The following RORB variants were observed in gnomAD, a reference collection of about 807,000 sequenced individuals.
RORB encodes nuclear receptor ROR-beta.
In RORB, 6 loss-of-function variants were observed where a neutral mutation model predicts 59.1. The ratio of observed to expected loss-of-function variants is 0.10; its 90% CI spans 0.06 to 0.20. The LOEUF is 0.20. Ranked by LOEUF, RORB falls within the 10% of genes least tolerant of loss-of-function variation. The pLI is 1.00. For synonymous variants in RORB, 215 were observed against 204.5 expected (o/e 1.05, Z -0.44); for missense variants, 320 against 560.5 (o/e 0.57, Z 4.33).
chr9:74,681,162 C>T (rs1156486910), intron 9 of RORB, among the ~76,000 whole-genome samples: 1 of 152,228 alleles, frequency 6.6e-6, no homozygotes, highest in Non-Finnish European at 1.5e-5. Context: ...CCCCCTCCAT[C>T]TCCAAGTGCT....
chr9:74,538,545 A>G (rs1352132582), intron 1 of RORB, among the ~76,000 whole-genome samples: 1 of 152,120 alleles, frequency 6.6e-6, no homozygotes, highest in Non-Finnish European at 1.5e-5. Context: ...CTTCAGCAAT[A>G]CTATTATAAA....
At chr9:74,630,793 T>C (rs1414695902) in intron 2 of RORB, among the ~76,000 whole-genome samples, 2 of 148,918 alleles carry the variant, frequency 1.3e-5, no homozygotes, top group Non-Finnish European at 3.0e-5. Flanking sequence ...AGCTACAATA[T>C]GCATATGGCC....
intron 1 of RORB, among the ~76,000 whole-genome samples, chr9:74,505,948 T>C (rs1285761461): frequency 6.6e-6 from 1 of 151,356 alleles, no homozygotes; most frequent in African/African-American, 2.4e-5. Context: ...CGAGTATCAG[T>C]GTAAGGAAGA....
intron 4 of RORB, among the ~76,000 whole-genome samples, chr9:74,656,476 C>T (rs1824083227): frequency 6.6e-6 from 1 of 152,206 alleles, no homozygotes; most frequent in African/African-American, 2.4e-5. Flanking sequence ...TGGCTCACGC[C>T]TGTAATCCCA....
At chr9:74,522,041 T>A (rs913477952) in intron 1 of RORB, among the ~76,000 whole-genome samples, 2 of 151,802 alleles carry the variant, frequency 1.3e-5, no homozygotes, top group African/African-American at 2.4e-5. Context: ...CACTGATACA[T>A]TCAATGAAAA....
intron 1 of RORB, among the ~76,000 whole-genome samples, chr9:74,536,703 T>A (rs1826327704): frequency 6.6e-6 from 1 of 151,974 alleles, no homozygotes; most frequent in South Asian, 2.1e-4. Flanking sequence ...ATTTGTTAAA[T>A]TGTTTCCATA....
intron 1 of RORB, among the ~76,000 whole-genome samples, chr9:74,589,728 G>A (rs921041919): frequency 1.3e-5 from 2 of 152,030 alleles, no homozygotes; most frequent in Non-Finnish European, 2.9e-5. Context: ...TGAACCCCAC[G>A]CTCGCCTCCC....
At chr9:74,498,030 C>G in intron 1 of RORB, 47 bp downstream of exon 1, 2 of 1,600,650 alleles carry the variant, frequency 1.2e-6, no homozygotes, top group Non-Finnish European at 1.7e-6. Flanking sequence ...CGGCCAACTC[C>G]AGCCAGACGG....
At chr9:74,614,390 A>T (rs192772498) in intron 1 of RORB, among the ~76,000 whole-genome samples, 220 of 148,976 alleles carry the variant, frequency 1.5e-3, no homozygotes, top group East Asian at 6.8e-3. Flanking sequence ...TCTTTTTTTT[A>T]AAAAAAAGCC....
chr9:74,672,910 A>G (rs1160786848), intron 9 of RORB, among the ~76,000 whole-genome samples: 1 of 152,126 alleles, frequency 6.6e-6, no homozygotes, highest in Non-Finnish European at 1.5e-5. Flanking sequence ...CTTTGTTTTA[A>G]AAAGGGGGAT....
intron 1 of RORB, among the ~76,000 whole-genome samples, chr9:74,554,576 TA>T (rs5898358): frequency 0.59 from 87,218 of 149,074 alleles, 26,027 homozygotes; most frequent in African/African-American, 0.72. Context: ...TTGAATAACT[TA>T]AAAAAAAAAA....
At chr9:74,627,160 CAA>C (rs5898367) in intron 1 of RORB, among the ~76,000 whole-genome samples, 5 of 132,776 alleles carry the variant, frequency 3.8e-5, no homozygotes, top group Non-Finnish European at 4.7e-5. Flanking sequence ...GACTCCATCT[CAA>C]AAAAAAAAAA....
intron 1 of RORB, among the ~76,000 whole-genome samples, chr9:74,573,798 A>G (rs1043830704): frequency 6.6e-6 from 1 of 152,094 alleles, no homozygotes; most frequent in Non-Finnish European, 1.5e-5. Context: ...TAGGGAAGGG[A>G]GACGGAATTT....
chr9:74,565,071 C>G (rs138701030), intron 1 of RORB, among the ~76,000 whole-genome samples: 1 of 152,170 alleles, frequency 6.6e-6, no homozygotes, highest in Non-Finnish European at 1.5e-5. Context: ...AGAAAACAAG[C>G]ATCTCTTTAA....
At chr9:74,499,214 CATCCCAGACCCGGAG>C (rs1825769296) in intron 1 of RORB, 1 of 152,476 alleles carries the variant, frequency 6.6e-6, no homozygotes, top group South Asian at 2.1e-4. Flanking sequence ...GACCTTCTTG[CATCCCAGACCCGGAG>C]AGAGGTGGTC....
chr9:74,619,774 C>T (rs1362621026), intron 1 of RORB, among the ~76,000 whole-genome samples: 1 of 151,708 alleles, frequency 6.6e-6, no homozygotes, highest in African/African-American at 2.4e-5. Flanking sequence ...TTGTCGAAGA[C>T]CTTTTCTGCA....
At chr9:74,503,961 A>AAT (rs1825836022) in intron 1 of RORB, among the ~76,000 whole-genome samples, 1 of 152,074 alleles carries the variant, frequency 6.6e-6, no homozygotes, top group South Asian at 2.1e-4. Context: ...AGCTACATAT[A>AAT]ATAACCATGT....
chr9:74,649,422 T>A (rs904848810), intron 4 of RORB, among the ~76,000 whole-genome samples: 2 of 152,170 alleles, frequency 1.3e-5, no homozygotes, highest in Admixed American at 1.3e-4. Context: ...CAAAAAGGAA[T>A]TCTCCCAGTT....
intron 1 of RORB, among the ~76,000 whole-genome samples, chr9:74,505,433 T>A (rs1252931399): frequency 1.3e-5 from 2 of 152,082 alleles, no homozygotes; most frequent in Admixed American, 1.3e-4. Flanking sequence ...GCCATATATA[T>A]AAAAAGAAAT....
Sources: allele counts gnomAD v4.1 joint callset (sites outside exome capture counted in the v4.1 genomes callset), GRCh38; gene constraint gnomAD v4.1.1; transcripts MANE v1.5; gene names NCBI Gene and HGNC (gene_info 2026-07-23, HGNC 2026-07-21).